Variants in UBAP1 observed in about 807,000 individuals in gnomAD.
UBAP1 encodes ubiquitin associated protein 1.
In UBAP1, 5 loss-of-function variants were observed where a neutral mutation model predicts 39.0. The observed-to-expected ratio is 0.13, with a 90% CI of 0.07 to 0.27. UBAP1 has a LOEUF of 0.27. Among genes scored for constraint, UBAP1 ranks in the 10% least tolerant of loss-of-function variants. UBAP1 has a pLI of 1.00. For missense variants in UBAP1, 490 were observed against 608.1 expected (o/e 0.81, Z 2.04); for synonymous variants, 211 against 225.1 (o/e 0.94, Z 0.56).
At chr9:34,235,535 T>G (rs538486273) in intron 3 of UBAP1, among the ~76,000 whole-genome samples, 1 of 152,240 alleles carries the variant, frequency 6.6e-6, no homozygotes, top group Non-Finnish European at 1.5e-5. Context: ...GAGACGGGGT[T>G]TCACTGTATT....
rs1554650849 is a variant in UBAP1, at chr9:34,226,133, G to GTGTGTGTGTGTT, written c.34+5196_34+5197insTTGTGTGTGTGT. 1.1e-3 allele frequency among the ~76,000 whole-genome samples: 154 copies of GTGTGTGTGTGTT among 143,294 alleles called. 1 individual carries two copies. The highest frequency in any genetic ancestry group is 3.7e-3 in the Middle Eastern group (1 of 268). 94.0% of individuals were successfully genotyped at this position (143,294 alleles called of 152,430 possible). ...TGTGTGTGTGTGTGTGTGTGTGTGT[G>GTGTGTGTGTGTT]TGTGTGTGTGTGTGTGTGTGTGTGG... On this transcript the variant is annotated intron_variant, in intron 2 of 6. Transcript: ENST00000297661.
At chr9:34,247,140 T>G (rs566140163) in intron 4 of UBAP1, among the ~76,000 whole-genome samples, 1 of 152,250 alleles carries the variant, frequency 6.6e-6, no homozygotes, top group East Asian at 1.9e-4. Context: ...ATAAATTTGG[T>G]GAGTAACTGG....
At chr9:34,183,089 G>C (rs1830182714) in intron 1 of UBAP1, among the ~76,000 whole-genome samples, 1 of 151,914 alleles carries the variant, frequency 6.6e-6, no homozygotes. Flanking sequence ...CTGTTCTTTA[G>C]TTATGTTATT....
intron 1 of UBAP1, chr9:34,206,027 A>AT (rs1186103755): frequency 7.2e-5 from 11 of 152,284 alleles, no homozygotes; most frequent in African/African-American, 2.6e-4. Flanking sequence ...TGGGTCAATA[A>AT]TTTGCGTTTA....
intron 4 of UBAP1, among the ~76,000 whole-genome samples, chr9:34,246,548 T>C (rs1834186779): frequency 6.6e-6 from 1 of 152,242 alleles, no homozygotes. Context: ...GAAATGGGCA[T>C]GACATGGTAA....
At chr9:34,188,567 C>T (rs1311039599) in intron 1 of UBAP1, among the ~76,000 whole-genome samples, 1 of 151,572 alleles carries the variant, frequency 6.6e-6, no homozygotes, top group Non-Finnish European at 1.5e-5. Context: ...ATGCCTGGTG[C>T]TTTCAGCTAC....
At chr9:34,230,932 AT>A (rs1833372859) in intron 2 of UBAP1, among the ~76,000 whole-genome samples, 1 of 151,944 alleles carries the variant, frequency 6.6e-6, no homozygotes, top group African/African-American at 2.4e-5. Flanking sequence ...AATCCCAGCA[AT>A]TTGAGAGGCC....
Position 34,198,220 on chromosome 9 carries a change from G to A in UBAP1, c.-8+18980G>A, listed in dbSNP as rs538105168. ...GCAGGCTGTACTCTGGAATTTCCCC[G>A]GTCAGGTGAGGCTACAGGGTATGCA... is the stretch of plus-strand genomic sequence containing the variant. On this transcript the variant is annotated intron_variant, in intron 1 of 6. Transcript: ENST00000297661. Among the ~76,000 whole-genome samples the A allele has an allele frequency of 2.0e-5, 3 of 152,306 alleles. No homozygotes were observed. In the East Asian group the frequency reaches 5.8e-4, roughly 29 times the overall value.
intron 4 of UBAP1, among the ~76,000 whole-genome samples, 161 bp downstream of exon 4, chr9:34,242,269 C>G (rs566503145): frequency 6.6e-6 from 1 of 151,896 alleles, no homozygotes; most frequent in East Asian, 2.0e-4. Context: ...CTCGACCTCC[C>G]GGGCTCAAGC....
At chr9:34,186,275 A>G (rs1429385996) in intron 1 of UBAP1, among the ~76,000 whole-genome samples, 1 of 152,212 alleles carries the variant, frequency 6.6e-6, no homozygotes, top group Non-Finnish European at 1.5e-5. Flanking sequence ...AACTGGATAA[A>G]TGACTGAAAG....
intron 1 of UBAP1, among the ~76,000 whole-genome samples, chr9:34,206,871 A>C (rs1347261041): frequency 6.6e-6 from 1 of 151,894 alleles, no homozygotes; most frequent in Non-Finnish European, 1.5e-5. Flanking sequence ...TTATATACCA[A>C]ATGTTTATAT....
chr9:34,220,982 T>G lies in UBAP1; in HGVS notation c.34+34T>G, dbSNP rs543797668. On this transcript the variant is annotated intron_variant, in intron 2 of 6. Transcript: ENST00000297661. ...ACTATTAGAATCATGGTTTAAGTTA[T>G]GATTTGATCAGAGGATTTGGAATCA... 2.5e-5 allele frequency: 40 copies of G among 1,596,594 alleles called. No homozygotes were observed. The South Asian group carries it at 4.2e-4, about 17-fold the overall frequency.
At chr9:34,207,405 AAAG>A (rs1831772158) in intron 1 of UBAP1, among the ~76,000 whole-genome samples, 1 of 151,050 alleles carries the variant, frequency 6.6e-6, no homozygotes, top group African/African-American at 2.4e-5. Context: ...AAAAAAAAAA[AAAG>A]AAAGAAAAAC....
At chr9:34,234,626 A>C (rs1043383497) in intron 3 of UBAP1, among the ~76,000 whole-genome samples, 1 of 152,088 alleles carries the variant, frequency 6.6e-6, no homozygotes, top group Non-Finnish European at 1.5e-5. Flanking sequence ...ACTAGGGGAA[A>C]AAAAAATGAT....
intron 1 of UBAP1, among the ~76,000 whole-genome samples, chr9:34,217,076 C>CT (rs942141213): frequency 1.5e-4 from 23 of 152,126 alleles, no homozygotes; most frequent in African/African-American, 5.5e-4. Flanking sequence ...ATACTCTCTA[C>CT]TCTTTTGGGA....
intron 1 of UBAP1, among the ~76,000 whole-genome samples, chr9:34,188,426 T>C (rs1830533309): frequency 1.1e-4 from 2 of 17,938 alleles, no homozygotes; most frequent in South Asian, 0.027. Flanking sequence ...TCTTCAGCTT[T>C]TTTTTTTTTT....
intron 1 of UBAP1, among the ~76,000 whole-genome samples, chr9:34,193,582 G>A (rs958679816): frequency 6.6e-6 from 1 of 152,264 alleles, no homozygotes; most frequent in South Asian, 2.1e-4. Flanking sequence ...TCATGTTGGT[G>A]TTCCCACGAT....
chr9:34,195,293 A>G (rs141922945), intron 1 of UBAP1, among the ~76,000 whole-genome samples: 10 of 152,144 alleles, frequency 6.6e-5, no homozygotes, highest in Admixed American at 5.2e-4. Flanking sequence ...TTGAAGTTTT[A>G]TACTTTCAGG....
At chr9:34,234,147 A>C in intron 2 of UBAP1, 69 bp from the exon 3 acceptor site, 2 of 1,499,424 alleles carry the variant, frequency 1.3e-6, no homozygotes, top group Non-Finnish European at 1.8e-6. Flanking sequence ...TATCCGTTAG[A>C]CATAAGATTA....
Sources: allele counts gnomAD v4.1 joint callset (sites outside exome capture counted in the v4.1 genomes callset), GRCh38; gene constraint gnomAD v4.1.1; transcripts MANE v1.5; gene names NCBI Gene and HGNC (gene_info 2026-07-23, HGNC 2026-07-21).